The following DNER variants were observed in gnomAD, a reference collection of about 807,000 sequenced individuals.
DNER encodes delta/notch like EGF repeat containing, also known as delta and Notch-like epidermal growth factor-related receptor.
A neutral mutation model predicts 78.2 loss-of-function variants in DNER; 33 were observed. That is an observed-to-expected ratio of 0.42 (90% CI 0.32 to 0.56). The LOEUF (loss-of-function observed/expected upper bound fraction) is 0.56. Among genes scored for constraint, DNER ranks in the 20% least tolerant of loss-of-function variants. The pLI is 0.11. For synonymous variants in DNER, 417 were observed against 384.8 expected (o/e 1.08, Z -0.98); for missense variants, 918 against 975.3 (o/e 0.94, Z 0.78).
chr2:229,711,544 T>A (rs1195217543), intron 1 of DNER, among the ~76,000 whole-genome samples: 1 of 152,180 alleles, frequency 6.6e-6, no homozygotes, highest in South Asian at 2.1e-4. Flanking sequence ...CATCCTTTTT[T>A]AAAAAAGCCT....
intron 7 of DNER, among the ~76,000 whole-genome samples, chr2:229,453,696 T>C (rs150001359): frequency 0.016 from 2,459 of 152,196 alleles, 64 homozygotes; most frequent in African/African-American, 0.055. Context: ...TACCCCACCC[T>C]TTCTGCCTCC....
At chr2:229,633,988 C>T (rs77130106) in intron 1 of DNER, among the ~76,000 whole-genome samples, 1,918 of 152,274 alleles carry the variant, frequency 0.013, 23 homozygotes, top group Middle Eastern at 0.041. Context: ...GAATATTTAT[C>T]CAAGTAAAAA....
chr2:229,513,672 TC>T (rs1695916476), intron 5 of DNER, among the ~76,000 whole-genome samples: 3 of 152,024 alleles, frequency 2.0e-5, no homozygotes, highest in African/African-American at 7.2e-5. Context: ...CACAAATCTG[TC>T]CCCAAAGCCT....
chr2:229,427,757 A>T (rs1693910159), intron 8 of DNER, among the ~76,000 whole-genome samples: 1 of 152,260 alleles, frequency 6.6e-6, no homozygotes, highest in East Asian at 1.9e-4. Context: ...ATTGCAACCC[A>T]CTGTAGAGCA....
chr2:229,686,202 C>A (rs996391801), intron 1 of DNER, among the ~76,000 whole-genome samples: 11 of 152,144 alleles, frequency 7.2e-5, no homozygotes, highest in African/African-American at 9.7e-5. Context: ...CACATTTGCA[C>A]TCCCCACAGA....
In DNER at chr2:229,408,108, T is replaced by A. The variant is rs148482586; in HGVS notation, c.1610-763A>T. ...CGTTTAACAAAGAAGAGGCATTTTTTAAAAAATCTGTAAAGTAAAACAGAC... is the reference window on the plus strand; with the variant it reads ...CGTTTAACAAAGAAGAGGCATTTTTAAAAAAATCTGTAAAGTAAAACAGAC... On this transcript the variant is annotated intron_variant, in intron 9 of 12. Coordinates refer to ENST00000341772, the MANE Select transcript of DNER (RefSeq NM_139072.4). Among the ~76,000 whole-genome samples, 583 of 152,116 alleles carry A rather than the reference T, an allele frequency of 3.8e-3. 9 individuals carry two copies. Among genetic ancestry groups the A allele is most frequent in the African/African-American group, 0.013 (542 of 41,510 alleles).
At chr2:229,665,069 C>T (rs1027150849) in intron 1 of DNER, among the ~76,000 whole-genome samples, 2 of 152,124 alleles carry the variant, frequency 1.3e-5, no homozygotes, top group Non-Finnish European at 2.9e-5. Context: ...TCACACATTA[C>T]TGAGCAATAT....
chr2:229,555,607 C>T (rs1696841722), intron 4 of DNER, among the ~76,000 whole-genome samples: 1 of 152,190 alleles, frequency 6.6e-6, no homozygotes, highest in African/African-American at 2.4e-5. Context: ...TTTACTGAAG[C>T]TTCCTTGATG....
intron 8 of DNER, among the ~76,000 whole-genome samples, chr2:229,429,042 T>C (rs1191576534): frequency 6.6e-6 from 1 of 152,116 alleles, no homozygotes; most frequent in Non-Finnish European, 1.5e-5. Context: ...CCAGAAATGT[T>C]GTGGGCCCCT....
chr2:229,579,420 A>G (rs1559172485), intron 4 of DNER, among the ~76,000 whole-genome samples: 1 of 152,230 alleles, frequency 6.6e-6, no homozygotes, highest in African/African-American at 2.4e-5. Flanking sequence ...ACCTACAAAT[A>G]TAAATAAATA....
At chr2:229,438,821 T>C (rs2106358536) in intron 8 of DNER, among the ~76,000 whole-genome samples, 1 of 152,362 alleles carries the variant, frequency 6.6e-6, no homozygotes, top group East Asian at 1.9e-4. Context: ...AATCTATGCG[T>C]ATAACAAAAT....
intron 1 of DNER, among the ~76,000 whole-genome samples, chr2:229,609,002 C>A (rs1194372650): frequency 6.6e-6 from 1 of 152,134 alleles, no homozygotes; most frequent in Admixed American, 6.5e-5. Flanking sequence ...GCAGGTGGAT[C>A]ACTTGAGGTC....
chr2:229,458,774 G>GA (rs1694631370), intron 7 of DNER, among the ~76,000 whole-genome samples: 12 of 147,706 alleles, frequency 8.1e-5, no homozygotes, highest in Admixed American at 6.6e-4. Flanking sequence ...TTCTATATAT[G>GA]CAAAAAAAAA....
chr2:229,673,067 A>G lies in DNER; in HGVS notation c.276+41081T>C, dbSNP rs187266284. 1.3e-4 allele frequency among the ~76,000 whole-genome samples: 20 copies of G among 152,296 alleles called. No homozygotes were observed. The East Asian group carries it at 1.9e-3, about 15-fold the overall frequency. On this transcript the variant is annotated intron_variant, in intron 1 of 12. Coordinates refer to ENST00000341772, the MANE Select transcript of DNER (RefSeq NM_139072.4). ...ACAGGAAGACATAAGAAACCAGGAA[A>G]GCCTGCATCTGCCAGGGATCCACTT...
intron 1 of DNER, among the ~76,000 whole-genome samples, chr2:229,698,496 C>G (rs1244243804): frequency 6.6e-6 from 1 of 152,174 alleles, no homozygotes; most frequent in African/African-American, 2.4e-5. Flanking sequence ...TATAAAACAT[C>G]TGTAGGGTCC....
At chr2:229,692,757 A>T (rs1379953839) in intron 1 of DNER, among the ~76,000 whole-genome samples, 2 of 152,206 alleles carry the variant, frequency 1.3e-5, no homozygotes, top group East Asian at 3.8e-4. Context: ...CCACTGTTTC[A>T]ATTCATTCCA....
At chr2:229,460,509 TCAG>T (rs1386774019) in intron 7 of DNER, among the ~76,000 whole-genome samples, 5 of 151,988 alleles carry the variant, frequency 3.3e-5, no homozygotes, top group Non-Finnish European at 5.9e-5. Context: ...AGCCATATTT[TCAG>T]GAGAACTTTT....
chr2:229,488,884 C>A (rs1695335013), intron 6 of DNER, among the ~76,000 whole-genome samples: 2 of 151,350 alleles, frequency 1.3e-5, no homozygotes. Context: ...ACAACAATAT[C>A]AACAGCTGAC....
chr2:229,469,474 G>A (rs991009132), intron 7 of DNER, among the ~76,000 whole-genome samples: 2 of 152,106 alleles, frequency 1.3e-5, no homozygotes, highest in East Asian at 1.9e-4. Flanking sequence ...TTCTTATAAC[G>A]ACCCCTTTAG....
Sources: gnomAD v4.1 joint callset for allele counts (sites outside exome capture counted in the v4.1 genomes callset) on GRCh38, gnomAD v4.1.1 for gene constraint, MANE v1.5 for transcripts, NCBI Gene and HGNC (gene_info 2026-07-23, HGNC 2026-07-21) for gene names.